Variants in KCNH7 observed in about 807,000 individuals in gnomAD.
KCNH7 encodes the protein potassium voltage-gated channel subfamily H member 7.
A neutral mutation model predicts 120.8 loss-of-function variants in KCNH7; 49 were observed. The observed-to-expected ratio is 0.41, with a 90% CI of 0.32 to 0.51. The LOEUF (loss-of-function observed/expected upper bound fraction) is 0.51, where lower values mean the gene tolerates loss of function less well. Among genes scored for constraint, KCNH7 ranks in the 20% least tolerant of loss-of-function variants. KCNH7 has a pLI of 0.38. For missense variants in KCNH7, 1,097 were observed against 1,446.6 expected (o/e 0.76, Z 3.92); for synonymous variants, 547 against 516.1 (o/e 1.06, Z -0.81).
At chr2:162,512,585 G>A (rs577804586) in intron 5 of KCNH7, 69 bp downstream of exon 5, 2 of 1,411,082 alleles carry the variant, frequency 1.4e-6, no homozygotes, top group South Asian at 1.2e-5. Context: ...GCATACAGCA[G>A]GCAAGTTAAC....
In KCNH7 at chr2:162,379,914, T is replaced by C; in HGVS notation, c.3070A>G (p.Ser1024Gly). The change falls in exon 14 of 16, where the codon AGC (serine) becomes GGC (glycine). Residue 1024 changes from serine (S) to glycine (G), a missense_variant. By Grantham distance (56) the Ser-to-Gly change is moderately conservative. Coordinates refer to ENST00000332142, the MANE Select transcript of KCNH7 (RefSeq NM_033272.4). ...RAAWGISETE[S>G]DLTYGEVEQR... ...TCCACTTCCCCGTAGGTGAGGTCGCTTTCGGTTTCAGAGATACCCCAGGCA... is the reference window on the plus strand; with the variant it reads ...TCCACTTCCCCGTAGGTGAGGTCGCCTTCGGTTTCAGAGATACCCCAGGCA... The C allele has an allele frequency of 6.2e-7, 1 of 1,614,016 alleles. No homozygotes were observed. The highest frequency in any genetic ancestry group is 8.5e-7 in the Non-Finnish European group (1 of 1,179,952).
In KCNH7 at chr2:162,400,575, G is replaced by A. The variant is rs142949512; in HGVS notation, c.2155-134C>T. 31 of 816,180 alleles carry A rather than the reference G, an allele frequency of 3.8e-5. No homozygotes were observed. The East Asian group carries it at 4.6e-4, about 12-fold the overall frequency. 50.6% of individuals were successfully genotyped at this position (816,180 alleles called of 1,614,324 possible). A position where few individuals can be genotyped will look rare whatever the true frequency, so the allele number is the denominator to read the frequency against. ...GGAGTTCCTACTACTCTTCTACCTC[G>A]CCTACCTTAATGAATACTTGATTTG... On this transcript the variant is annotated intron_variant, in intron 9 of 15. Transcript: ENST00000332142.
intron 2 of KCNH7, among the ~76,000 whole-genome samples, chr2:162,764,169 T>C (rs1395153861): frequency 6.6e-6 from 1 of 152,122 alleles, no homozygotes; most frequent in Non-Finnish European, 1.5e-5. Context: ...CATGGAAAAC[T>C]CATGTCAGAG....
At chr2:162,573,543 T>C (rs907911197) in intron 2 of KCNH7, among the ~76,000 whole-genome samples, 2 of 152,074 alleles carry the variant, frequency 1.3e-5, no homozygotes, top group Non-Finnish European at 2.9e-5. Flanking sequence ...ATTAATTACA[T>C]ATTTAGCAGA....
intron 2 of KCNH7, among the ~76,000 whole-genome samples, chr2:162,789,409 G>C (rs1389261672): frequency 6.6e-6 from 1 of 151,916 alleles, no homozygotes; most frequent in Non-Finnish European, 1.5e-5. Context: ...TACAATAATA[G>C]TAGAAGACTT....
Position 162,512,865 on chromosome 2 carries a change from C to T in KCNH7, c.893-191G>A, listed in dbSNP as rs374450503. On this transcript the variant is annotated intron_variant, in intron 4 of 15. Coordinates refer to ENST00000332142, the MANE Select transcript of KCNH7 (RefSeq NM_033272.4). The stretch of plus-strand genomic sequence containing the variant: ...TGCATATACTAAAAATAGTATCTGT[C>T]ATAATATACATTCTTATTTAAATAT... Among the ~76,000 whole-genome samples, 4 of 151,796 alleles carry T rather than the reference C, an allele frequency of 2.6e-5. No individual in the cohort carries two copies. In the South Asian group the frequency reaches 8.3e-4, roughly 32 times the overall value.
Position 162,418,650 on chromosome 2 carries a change from CAA to C in KCNH7, c.2154+4684_2154+4685del, listed in dbSNP as rs145617264. 1.2e-3 allele frequency among the ~76,000 whole-genome samples: 175 copies of C among 152,148 alleles called. 1 individual carries two copies. The highest frequency in any genetic ancestry group is 1.7e-3 in the Non-Finnish European group (113 of 67,998). On this transcript the variant is annotated intron_variant, in intron 9 of 15. Coordinates refer to ENST00000332142, the MANE Select transcript of KCNH7 (RefSeq NM_033272.4). ...AAATAAGTTTAGAGAATGAGTGTAA[CAA>C]AGTTTCTGATGGAGTAGGATTAGAC...
intron 2 of KCNH7, among the ~76,000 whole-genome samples, chr2:162,540,282 AC>A (rs1214461099): frequency 2.0e-5 from 3 of 149,956 alleles, no homozygotes; most frequent in Non-Finnish European, 4.4e-5. Flanking sequence ...TTGCTAGACT[AC>A]AGTTCATATC....
At chr2:162,777,617 G>A (rs1284822144) in intron 2 of KCNH7, among the ~76,000 whole-genome samples, 2 of 152,080 alleles carry the variant, frequency 1.3e-5, no homozygotes, top group Non-Finnish European at 2.9e-5. Context: ...TATACTCACT[G>A]TATTACAGTA....
chr2:162,598,547 T>C (rs751887944), intron 2 of KCNH7, among the ~76,000 whole-genome samples: 6 of 152,258 alleles, frequency 3.9e-5, no homozygotes, highest in African/African-American at 7.2e-5. Flanking sequence ...ATGTATTTTA[T>C]GTGCACTTAA....
intron 2 of KCNH7, among the ~76,000 whole-genome samples, chr2:162,555,851 T>C (rs1197831607): frequency 1.3e-5 from 2 of 152,104 alleles, no homozygotes; most frequent in Admixed American, 1.3e-4. Context: ...AAAAGTCTTT[T>C]TATATTTTAA....
intron 2 of KCNH7, among the ~76,000 whole-genome samples, chr2:162,786,748 T>A (rs1683721606): frequency 6.6e-6 from 1 of 152,212 alleles, no homozygotes; most frequent in African/African-American, 2.4e-5. Context: ...TATTTTAAGC[T>A]GCATGATTTA....
chr2:162,382,763 A>G (rs1686457695), intron 13 of KCNH7, among the ~76,000 whole-genome samples: 1 of 151,986 alleles, frequency 6.6e-6, no homozygotes. Context: ...TATTAATGCA[A>G]TATATCATCT....
intron 2 of KCNH7, among the ~76,000 whole-genome samples, chr2:162,672,284 AAG>A (rs1685386869): frequency 6.6e-6 from 1 of 152,104 alleles, no homozygotes; most frequent in Non-Finnish European, 1.5e-5. Flanking sequence ...AGCAAATTTC[AAG>A]AGATTGAGTT....
chr2:162,824,437 A>G (rs1371845195), intron 2 of KCNH7, among the ~76,000 whole-genome samples: 1 of 152,082 alleles, frequency 6.6e-6, no homozygotes, highest in East Asian at 1.9e-4. Flanking sequence ...TGAGAACAGC[A>G]ATCTGGGAAT....
At chr2:162,834,263 A>C (rs1036530705) in intron 2 of KCNH7, among the ~76,000 whole-genome samples, 5 of 152,104 alleles carry the variant, frequency 3.3e-5, no homozygotes, top group Admixed American at 6.6e-5. Context: ...CCAAAACACA[A>C]GTTTATTACT....
chr2:162,395,551 G>A (rs1164737388), intron 11 of KCNH7, among the ~76,000 whole-genome samples: 1 of 151,664 alleles, frequency 6.6e-6, no homozygotes, highest in Admixed American at 6.6e-5. Context: ...ATATAAAGAA[G>A]TTATGAGAGG....
chr2:162,451,333 C>A (rs984266821), intron 6 of KCNH7, among the ~76,000 whole-genome samples: 1 of 151,886 alleles, frequency 6.6e-6, no homozygotes. Flanking sequence ...TCAAACGAAC[C>A]AACTCTATCC....
At chr2:162,800,974 G>C (rs1016997268) in intron 2 of KCNH7, among the ~76,000 whole-genome samples, 10 of 151,726 alleles carry the variant, frequency 6.6e-5, no homozygotes, top group African/African-American at 2.4e-4. Flanking sequence ...TTCTCTCCTT[G>C]TAAGAAAGGA....
Sources: allele counts gnomAD v4.1 joint callset (sites outside exome capture counted in the v4.1 genomes callset), GRCh38; gene constraint gnomAD v4.1.1; transcripts MANE v1.5; gene names NCBI Gene and HGNC (gene_info 2026-07-23, HGNC 2026-07-21).